Variants in MAST2 observed in about 807,000 individuals in gnomAD.
MAST2 encodes microtubule associated serine/threonine kinase 2, also known as microtubule-associated serine/threonine-protein kinase 2.
In MAST2, 70 loss-of-function variants were observed where a neutral mutation model predicts 147.4. That is an observed-to-expected ratio of 0.47 (90% CI 0.39 to 0.58). The LOEUF is 0.58. MAST2 is among the 20% of genes least tolerant of loss of function. The pLI, the probability that MAST2 is intolerant of heterozygous loss-of-function variation, is 0.00. For synonymous variants in MAST2, 869 were observed against 896.8 expected (o/e 0.97, Z 0.55); for missense variants, 2,080 against 2,302.3 (o/e 0.90, Z 1.98).
At chr1:45,912,459 A>C (rs767874789) in intron 4 of MAST2, among the ~76,000 whole-genome samples, 1 of 152,184 alleles carries the variant, frequency 6.6e-6, no homozygotes, top group Non-Finnish European at 1.5e-5. Context: ...TTTTGTGTGC[A>C]GGTAGTTTCC....
intron 11 of MAST2, among the ~76,000 whole-genome samples, chr1:46,020,267 C>T (rs890738243): frequency 6.6e-6 from 1 of 152,152 alleles, no homozygotes; most frequent in Admixed American, 6.5e-5. Context: ...AGTGAATGCT[C>T]CCTGGGGGAC....
intron 3 of MAST2, among the ~76,000 whole-genome samples, chr1:45,846,010 T>C (rs1458299085): frequency 6.6e-6 from 1 of 152,214 alleles, no homozygotes; most frequent in East Asian, 1.9e-4. Context: ...TCTGCCCGCC[T>C]CGGCCTCCCA....
rs375176417 is a variant in MAST2, at chr1:45,825,920, T to TA, written c.325+1341dup. Among the ~76,000 whole-genome samples the TA allele has an allele frequency of 7.5e-4, 114 of 151,910 alleles. 2 individuals are homozygous for TA. Among genetic ancestry groups the TA allele is most frequent in the African/African-American group, 2.7e-3 (111 of 41,476 alleles). On this transcript the variant is annotated intron_variant, in intron 2 of 28. Coordinates refer to ENST00000361297, the MANE Select transcript of MAST2 (RefSeq NM_015112.3). The stretch of plus-strand genomic sequence containing the variant: ...GGCAAAACCCCGTCTCTACTAAAAA[T>TA]ACAAAGATTAGCCGGGCATGGTGAT...
intron 1 of MAST2, among the ~76,000 whole-genome samples, chr1:45,813,366 G>T (rs1202551882): frequency 6.6e-6 from 1 of 151,562 alleles, no homozygotes; most frequent in East Asian, 1.9e-4. Flanking sequence ...GTCTTGCTCT[G>T]TTGCTCAGGC....
intron 4 of MAST2, among the ~76,000 whole-genome samples, chr1:45,906,650 T>C (rs1650787366): frequency 6.7e-6 from 1 of 148,400 alleles, no homozygotes; most frequent in African/African-American, 2.4e-5. Flanking sequence ...GATACAATTA[T>C]ATAATATATA....
At chr1:45,865,063 C>T in intron 3 of MAST2, 1 of 453,232 alleles carries the variant, frequency 2.2e-6, no homozygotes, top group South Asian at 1.6e-5. Context: ...TAGTAGTTGA[C>T]TGTCTGGGGA....
At chr1:46,009,419 AG>A (rs1419350559) in intron 9 of MAST2, among the ~76,000 whole-genome samples, 1 of 152,196 alleles carries the variant, frequency 6.6e-6, no homozygotes, top group Non-Finnish European at 1.5e-5. Context: ...TCCTGAAGAT[AG>A]GCCCTGTTCC....
At chr1:45,928,353 A>G (rs1463148169) in intron 4 of MAST2, among the ~76,000 whole-genome samples, 2 of 152,204 alleles carry the variant, frequency 1.3e-5, no homozygotes, top group African/African-American at 4.8e-5. Flanking sequence ...TATCCAGTTT[A>G]TGTTCAAATT....
chr1:45,962,368 C>G (rs1660553965), intron 5 of MAST2, among the ~76,000 whole-genome samples: 1 of 151,918 alleles, frequency 6.6e-6, no homozygotes, highest in Admixed American at 6.6e-5. Flanking sequence ...AATGGTTGAA[C>G]TAGTTTACAG....
At chr1:45,827,071 G>A (rs976188531) in intron 2 of MAST2, among the ~76,000 whole-genome samples, 10 of 151,696 alleles carry the variant, frequency 6.6e-5, no homozygotes, top group African/African-American at 2.4e-4. Flanking sequence ...CTCGTGATCC[G>A]CCTGCCTCGG....
intron 3 of MAST2, among the ~76,000 whole-genome samples, chr1:45,874,769 A>G (rs1646531266): frequency 6.6e-6 from 1 of 152,236 alleles, no homozygotes. Context: ...AGTCAAAGAA[A>G]ACAGATAATT....
chr1:45,878,273 T>C (rs543581891), intron 3 of MAST2, among the ~76,000 whole-genome samples: 20 of 149,962 alleles, frequency 1.3e-4, no homozygotes, highest in African/African-American at 4.6e-4. Flanking sequence ...AGAAAATCAA[T>C]CACTGTAATT....
At chr1:45,946,995 A>G (rs1361705971) in intron 4 of MAST2, among the ~76,000 whole-genome samples, 1 of 152,110 alleles carries the variant, frequency 6.6e-6, no homozygotes, top group Non-Finnish European at 1.5e-5. Flanking sequence ...TGACTTTTAG[A>G]TCATTTGAGG....
chr1:45,983,888 A>C (rs550074638), intron 5 of MAST2, among the ~76,000 whole-genome samples: 19 of 152,204 alleles, frequency 1.2e-4, no homozygotes, highest in Non-Finnish European at 2.8e-4. Context: ...GGCGAAGGTG[A>C]TATTTTATCA....
chr1:45,831,552 TAGAC>T (rs969722960), intron 3 of MAST2, among the ~76,000 whole-genome samples: 10 of 152,164 alleles, frequency 6.6e-5, no homozygotes, highest in East Asian at 1.9e-4. Context: ...TGCAGAAAAA[TAGAC>T]AGAATGGTAC....
intron 4 of MAST2, among the ~76,000 whole-genome samples, chr1:45,946,868 C>A (rs1349794816): frequency 5.9e-5 from 9 of 152,132 alleles, no homozygotes; most frequent in Admixed American, 5.9e-4. Context: ...CATAGCAGAC[C>A]TGCTCCCCAA....
chr1:45,923,006 G>A (rs985885503), intron 4 of MAST2, among the ~76,000 whole-genome samples: 1 of 152,144 alleles, frequency 6.6e-6, no homozygotes, highest in African/African-American at 2.4e-5. Flanking sequence ...GTGGGGTGCC[G>A]CTTTCACTTC....
intron 2 of MAST2, among the ~76,000 whole-genome samples, chr1:45,827,753 A>G (rs775184113): frequency 3.5e-4 from 53 of 152,258 alleles, no homozygotes; most frequent in Non-Finnish European, 3.5e-4. Context: ...GTATATTGTA[A>G]TTTTCTAGTA....
chr1:45,913,684 G>T, intron 4 of MAST2: 1 of 1,023,952 alleles, frequency 9.8e-7, no homozygotes, highest in African/African-American at 1.7e-5. Flanking sequence ...TGAAGATCAT[G>T]TTTTTGAAGA....
Sources: gnomAD v4.1 joint callset for allele counts (sites outside exome capture counted in the v4.1 genomes callset) on GRCh38, gnomAD v4.1.1 for gene constraint, MANE v1.5 for transcripts, NCBI Gene and HGNC (gene_info 2026-07-23, HGNC 2026-07-21) for gene names.